MAST4: variants seen among roughly 807,000 people sequenced by gnomAD.
MAST4 encodes the protein microtubule-associated serine/threonine-protein kinase 4.
In MAST4, 89 loss-of-function variants were observed where a neutral mutation model predicts 162.7. The ratio of observed to expected loss-of-function variants is 0.55; its 90% CI spans 0.46 to 0.65. The LOEUF (loss-of-function observed/expected upper bound fraction) is 0.65, where lower values mean the gene tolerates loss of function less well. Ranked by LOEUF, MAST4 falls within the 30% of genes least tolerant of loss-of-function variation. MAST4 has a pLI of 0.00. For missense variants in MAST4, 3,153 were observed against 3,374.0 expected (o/e 0.93, Z 1.62); for synonymous variants, 1,479 against 1,361.1 (o/e 1.09, Z -1.91).
chr5:66,826,153 T>G (rs1757243520), intron 3 of MAST4, among the ~76,000 whole-genome samples: 1 of 152,136 alleles, frequency 6.6e-6, no homozygotes. Context: ...GTCCCAAATG[T>G]TTTTGCCTCT....
At chr5:66,929,632 C>A (rs1285293476) in intron 4 of MAST4, among the ~76,000 whole-genome samples, 2 of 152,198 alleles carry the variant, frequency 1.3e-5, no homozygotes, top group African/African-American at 4.8e-5. Flanking sequence ...CAGCCTCCCT[C>A]TCTCACAGCT....
intron 1 of MAST4, among the ~76,000 whole-genome samples, chr5:66,725,650 T>G (rs866243614): frequency 2.6e-5 from 4 of 152,212 alleles, no homozygotes; most frequent in Admixed American, 6.5e-5. Flanking sequence ...ATTTCTGATA[T>G]CTTTTGGTCA....
rs746933367 is a variant in MAST4, at chr5:67,149,541, G to A, written c.3247G>A (p.Val1083Ile). 2 of 1,613,796 alleles carry A rather than the reference G, an allele frequency of 1.2e-6. No homozygotes were observed. The highest frequency in any genetic ancestry group is 3.3e-5 in the Admixed American group (2 of 60,002). ...AGAAAAAAAGAAAATCTCGGGGAAAGTCACAAAGTCCCTCTCTGCCAGTGC... is the reference window on the plus strand; with the variant it reads ...AGAAAAAAAGAAAATCTCGGGGAAAATCACAAAGTCCCTCTCTGCCAGTGC... ...STEKKKISGK[V>I]TKSLSASALS... is the part of the protein sequence containing the mutation. Residue 1083 changes from valine to isoleucine, a missense_variant, in exon 24 of 29, where the codon GTC (valine) becomes ATC (isoleucine). By Grantham distance (29) the Val-to-Ile change is conservative. This residue lies in a region of MAST4 where 619 missense variants were observed against 744.2 expected (regional missense o/e 0.83). Coordinates refer to ENST00000403625, the MANE Select transcript of MAST4 (RefSeq NM_001164664.2).
intron 24 of MAST4, among the ~76,000 whole-genome samples, chr5:67,151,251 A>C (rs1771772976): frequency 6.6e-6 from 1 of 152,220 alleles, no homozygotes; most frequent in South Asian, 2.1e-4. Flanking sequence ...TGTTGATCAC[A>C]GTTCTAGAGC....
intron 5 of MAST4, among the ~76,000 whole-genome samples, chr5:67,066,423 T>C (rs2548587): frequency 0.32 from 48,477 of 150,548 alleles, 9,192 homozygotes; most frequent in African/African-American, 0.53. Flanking sequence ...TTTATATAAA[T>C]ATGATTTATA....
At chr5:66,876,736 G>A (rs1287698540) in intron 3 of MAST4, among the ~76,000 whole-genome samples, 2 of 152,196 alleles carry the variant, frequency 1.3e-5, no homozygotes, top group Non-Finnish European at 2.9e-5. Context: ...GGGCATGTTT[G>A]TATGAGGCGT....
chr5:67,149,904 A>T (rs1581728563), intron 24 of MAST4, among the ~76,000 whole-genome samples: 1 of 152,140 alleles, frequency 6.6e-6, no homozygotes, highest in Non-Finnish European at 1.5e-5. Context: ...TTAAATGATA[A>T]ATTTTCCTTC....
chr5:66,912,122 T>C (rs1017259502), intron 4 of MAST4, among the ~76,000 whole-genome samples: 119 of 152,210 alleles, frequency 7.8e-4, no homozygotes, highest in African/African-American at 2.8e-3. Context: ...GAGAAATTGG[T>C]ACTGTGTGCC....
At chr5:66,997,863 A>T (rs1325881079) in intron 4 of MAST4, among the ~76,000 whole-genome samples, 8 of 152,232 alleles carry the variant, frequency 5.3e-5, no homozygotes, top group Non-Finnish European at 1.2e-4. Flanking sequence ...AACTTAATAG[A>T]ACTCCTTGAC....
At position 67,036,713 on chromosome 5, in the gene MAST4, T is replaced by C. The variant is rs539820845; in HGVS notation, c.675-17691T>C. On this transcript the variant is annotated intron_variant, in intron 4 of 28. Transcript: ENST00000403625. The stretch of plus-strand genomic sequence containing the variant: ...GAATAATGACAAGAAAAAAATTGTA[T>C]GTGTTCAGTACAGATGCAATTTTTT... Among the ~76,000 whole-genome samples, 206 of 152,322 alleles carry C rather than the reference T, an allele frequency of 1.4e-3. 2 individuals carry two copies. Among genetic ancestry groups the C allele is most frequent in the African/African-American group, 4.9e-3 (202 of 41,572 alleles).
chr5:66,991,036 A>G (rs1377984105), intron 4 of MAST4, among the ~76,000 whole-genome samples: 1 of 152,218 alleles, frequency 6.6e-6, no homozygotes, highest in Admixed American at 6.5e-5. Context: ...CTCAAAGAAG[A>G]AATTCTGTCC....
At chr5:66,722,929 C>G (rs1751305486) in intron 1 of MAST4, among the ~76,000 whole-genome samples, 1 of 152,064 alleles carries the variant, frequency 6.6e-6, no homozygotes, top group African/African-American at 2.4e-5. Flanking sequence ...GTGTCTGAAT[C>G]AAGGAAGTGG....
At chr5:66,866,190 C>T (rs375231900) in intron 3 of MAST4, among the ~76,000 whole-genome samples, 1 of 125,854 alleles carries the variant, frequency 7.9e-6, no homozygotes, top group East Asian at 2.0e-4. Flanking sequence ...AAAAAGTTAG[C>T]TGCCGTCGTA....
Position 67,165,965 on chromosome 5 carries a change from T to G in MAST4, c.6786T>G (p.Asp2262Glu), listed in dbSNP as rs1381287505. ...ATPGSQNKAS[D>E]GIGQGEGGPS... ...CAGGCTCCCAGAACAAAGCCAGCGATGGGATTGGCCAGGGAGAAGGTGGGC... is the reference window on the plus strand; with the variant it reads ...CAGGCTCCCAGAACAAAGCCAGCGAGGGGATTGGCCAGGGAGAAGGTGGGC... Residue 2262 changes from aspartate to glutamate, a missense_variant, in exon 29 of 29, where the codon GAT becomes GAG. Physicochemically the swap from Asp to Glu is conservative, Grantham distance 45 (BLOSUM62 2). Around this residue, in one of 7 missense-constraint regions of MAST4, gnomAD observed 1,644 missense variants for 1,495.0 expected, o/e 1.10. Transcript: ENST00000403625. 6.2e-7 allele frequency: 1 copy of G among 1,613,354 alleles called. No homozygotes were observed. The highest frequency in any genetic ancestry group is 8.5e-7 in the Non-Finnish European group (1 of 1,179,790).
chr5:67,137,196 G>A (rs1385497127), intron 19 of MAST4, among the ~76,000 whole-genome samples: 1 of 152,238 alleles, frequency 6.6e-6, no homozygotes. Flanking sequence ...GATCAGCACC[G>A]TGACCCAAGA....
At chr5:67,159,244 G>A (rs1234351734) in intron 26 of MAST4, among the ~76,000 whole-genome samples, 1 of 152,176 alleles carries the variant, frequency 6.6e-6, no homozygotes, top group Non-Finnish European at 1.5e-5. Flanking sequence ...TAGTTATAAA[G>A]CATGTGTACA....
chr5:67,153,188 T>C (rs1044765272), intron 25 of MAST4, among the ~76,000 whole-genome samples: 1 of 152,226 alleles, frequency 6.6e-6, no homozygotes, highest in Non-Finnish European at 1.5e-5. Flanking sequence ...AAAATGACCT[T>C]CTCAAATCAC....
intron 2 of MAST4, among the ~76,000 whole-genome samples, chr5:66,765,165 A>G (rs1754034873): frequency 6.6e-6 from 1 of 152,176 alleles, no homozygotes; most frequent in African/African-American, 2.4e-5. Flanking sequence ...CTAAGTTTGC[A>G]TAAGTACACC....
chr5:66,649,177 C>T (rs550859420), intron 1 of MAST4, among the ~76,000 whole-genome samples: 1 of 152,234 alleles, frequency 6.6e-6, no homozygotes, highest in East Asian at 1.9e-4. Flanking sequence ...GGTTGTCTTG[C>T]CATTTGTAGA....
Sources: gnomAD v4.1 joint callset for allele counts (sites outside exome capture counted in the v4.1 genomes callset) on GRCh38, gnomAD v4.1.1 for gene constraint, gnomAD v4.1.1 regional missense constraint, MANE v1.5 for transcripts, NCBI Gene and HGNC (gene_info 2026-07-23, HGNC 2026-07-21) for gene names.